COL2A1: variants seen among roughly 807,000 people sequenced by gnomAD.
COL2A1 encodes the protein collagen alpha-1(II) chain.
In COL2A1, 28 loss-of-function variants were observed where a neutral mutation model predicts 204.5. That is an observed-to-expected ratio of 0.14 (90% CI 0.10 to 0.19). The LOEUF is 0.19. COL2A1 is among the 10% of genes least tolerant of loss of function. COL2A1 has a pLI of 1.00. For missense variants in COL2A1, 1,388 were observed against 2,027.5 expected (o/e 0.68, Z 6.06); for synonymous variants, 708 against 718.7 (o/e 0.99, Z 0.24).
At chr12:47,982,200 C>G (rs548043180) in intron 34 of COL2A1, 40 bp from the exon 35 acceptor site, 6 of 1,580,538 alleles carry the variant, frequency 3.8e-6, no homozygotes, top group African/African-American at 1.3e-5. Context: ...CCAGGCACCC[C>G]AGGACCCCCA....
chr12:48,005,359 T>C (rs1033108690), upstream of COL2A1: 13 of 152,344 alleles, frequency 8.5e-5, no homozygotes, highest in African/African-American at 3.1e-4. Flanking sequence ...GGCTCAGACG[T>C]GGTGTCTGCT....
rs770876325 is a variant in COL2A1 at position 47,997,667 on chromosome 12, G to A, written c.470C>T (p.Thr157Ile). ...ACCAGGGGGGCCAGGATTTCCAGGG[G>A]TCCCAGGTTCTCCATCTCTGCCACG... The part of the protein sequence containing the change: ...GPRGRDGEPG[T>I]PGNPGPPGPP... Residue 157 changes from threonine to isoleucine, a missense_variant, in exon 7 of 54, where the codon ACC (threonine) becomes ATC (isoleucine). Physicochemically the swap from Thr to Ile is moderately conservative, Grantham distance 89 (BLOSUM62 -1). Coordinates refer to ENST00000380518, the MANE Select transcript of COL2A1 (RefSeq NM_001844.5). 2 of 1,613,984 alleles carry A rather than the reference G, an allele frequency of 1.2e-6. No individual in the cohort carries two copies. The highest frequency in any genetic ancestry group is 2.2e-5 in the East Asian group (1 of 44,870).
chr12:47,975,464 C>T lies in COL2A1; in HGVS notation c.3739G>A (p.Gly1247Ser). ...QYMRADQAAG[G>S]LRQHDAEVDA... ...ACCTCGGCGTCATGCTGTCTCAGGC[C>T]ACCGGCTGCCTGGTCGGCCCGCATG... The change falls in exon 51 of 54, where the codon GGC becomes AGC. Residue 1247 changes from glycine to serine, a missense_variant. Around this residue, in one of 3 missense-constraint regions of COL2A1, gnomAD observed 303 missense variants for 369.2 expected, o/e 0.82. Coordinates refer to ENST00000380518, the MANE Select transcript of COL2A1 (RefSeq NM_001844.5). The T allele has an allele frequency of 6.2e-7, 1 of 1,614,064 alleles. No homozygotes were observed. Among genetic ancestry groups the T allele is most frequent in the Non-Finnish European group, 8.5e-7 (1 of 1,180,030 alleles).
chr12:48,003,994 A>C, intron 1 of COL2A1: 1 of 537,834 alleles, frequency 1.9e-6, no homozygotes, highest in Non-Finnish European at 3.4e-6. Context: ...ATTCTAGCGC[A>C]ACGTAGGGAC....
chr12:47,993,347 A>G, intron 15 of COL2A1, 111 bp downstream of exon 15: 1 of 897,592 alleles, frequency 1.1e-6, no homozygotes, highest in Non-Finnish European at 1.9e-6. Context: ...GCTCACAATC[A>G]GATGAAATCT....
rs868704410 is a variant in COL2A1, at chr12:47,979,458, G to A, written c.2733+53C>T. The A allele has an allele frequency of 2.8e-5, 45 of 1,586,956 alleles. No individual in the cohort carries two copies. In the South Asian group the frequency reaches 3.5e-4, roughly 12 times the overall value. On this transcript the variant is annotated intron_variant, in intron 41 of 53. Coordinates refer to ENST00000380518, the MANE Select transcript of COL2A1 (RefSeq NM_001844.5). ...GCTCTCCAGACCCTGTTGGGTGCTG[G>A]GCCAGGCTATTCCATGCCTGCCTGT...
rs2136505218 is a variant in COL2A1 at position 47,974,160 on chromosome 12, A to T, written c.4246T>A (p.Ser1416Thr). The T allele has an allele frequency of 1.2e-6, 2 of 1,614,130 alleles. No homozygotes were observed. Among genetic ancestry groups the T allele is most frequent in the Non-Finnish European group, 1.7e-6 (2 of 1,180,022 alleles). ...TCTGCCCGGATCTCCACGTCATTGG[A>T]GCCCTGGATGAGCAGGGCCTTCTTG... The part of the protein sequence containing the change: ...NLKKALLIQG[S>T]NDVEIRAEGN... The change falls in exon 53 of 54, where the codon TCC (serine) becomes ACC (threonine). Residue 1416 changes from serine to threonine, a missense_variant. Transcript: ENST00000380518.
intron 34 of COL2A1, 33 bp downstream of exon 34, chr12:47,982,469 G>T (rs773409682): frequency 6.4e-7 from 1 of 1,560,808 alleles, no homozygotes. Context: ...CAAAGCCACA[G>T]CTTTGGTGAG....
chr12:47,976,019 G>A lies in COL2A1; in HGVS notation c.3541C>T (p.Pro1181Ser). Residue 1181 changes from proline (P) to serine (S), a missense_variant, in exon 50 of 54, where the codon CCT becomes TCT. By Grantham distance (74) the Pro-to-Ser change is moderately conservative (BLOSUM62 -1). Coordinates refer to ENST00000380518, the MANE Select transcript of COL2A1 (RefSeq NM_001844.5). This position sits in a 1 kb window ranked among gnomAD's most constrained non-coding sequence, Gnocchi z 4.3. ...PSGKDGANGI[P>S]GPIGPPGPRG... ...GGACCAGGAGGCCCAATGGGGCCAGGGATTCCATTAGCACCATCTTTGCCA... is the reference window on the plus strand; with the variant it reads ...GGACCAGGAGGCCCAATGGGGCCAGAGATTCCATTAGCACCATCTTTGCCA... 6.2e-7 allele frequency: 1 copy of A among 1,614,128 alleles called. No individual in the cohort carries two copies. The highest frequency in any genetic ancestry group is 8.5e-7 in the Non-Finnish European group (1 of 1,180,004).
Position 47,983,129 on chromosome 12 carries a change from G to A in COL2A1, c.2058C>T (p.Pro686=), listed in dbSNP as rs756536380. 21 of 1,613,560 alleles carry A rather than the reference G, an allele frequency of 1.3e-5. No individual in the cohort carries two copies. The East Asian group carries it at 1.8e-4, about 14-fold the overall frequency. Residue 686 remains proline (P), a synonymous_variant, in exon 32 of 54, where the codon CCC becomes CCT. Coordinates refer to ENST00000380518, the MANE Select transcript of COL2A1 (RefSeq NM_001844.5). The part of the protein sequence containing the change: ...EGGKPGDQGV[P]GEAGAPGLVG... ...CGAGGCCAGGGGCTCCAGCTTCACC[G>A]GGAACACCCTGGAGAACAAAGAAAG...
In COL2A1 at chr12:47,975,564, G is replaced by A. The variant is rs375710692; in HGVS notation, c.3639C>T (p.Pro1213=). Reference sequence around the variant, plus strand: ...CGGACATGTCGATGCCAGGGCCAGGGGGACCTGGAGGACCAGGGGGTCCAG... The same window carrying A: ...CGGACATGTCGATGCCAGGGCCAGGAGGACCTGGAGGACCAGGGGGTCCAG... ...GNPGPPGPPG[P]PGPGIDMSAF... is the part of the protein sequence containing the mutation. The change falls in exon 51 of 54, where the codon CCC becomes CCT. Residue 1213 remains proline (P), a synonymous_variant. Coordinates refer to ENST00000380518, the MANE Select transcript of COL2A1 (RefSeq NM_001844.5). 31 of 1,602,476 alleles carry A rather than the reference G, an allele frequency of 1.9e-5. No individual in the cohort carries two copies. In the African/African-American group the frequency reaches 4.0e-4, roughly 21 times the overall value.
intron 30 of COL2A1, 76 bp downstream of exon 30, chr12:47,983,607 G>A (rs993163569): frequency 1.8e-5 from 27 of 1,520,396 alleles, no homozygotes; most frequent in Middle Eastern, 1.8e-4. Context: ...GCCCTCCACC[G>A]ATAGTGCCTG....
chr12:47,979,649 A>G lies in COL2A1; in HGVS notation c.2680-85T>C, dbSNP rs576945968. Reference sequence around the variant, plus strand: ...ATGGGCGGGGGGCGGGGGTGGTCTCAGAGCCTGGTATGGAAAGGGCGAGGG... The same window carrying G: ...ATGGGCGGGGGGCGGGGGTGGTCTCGGAGCCTGGTATGGAAAGGGCGAGGG... On this transcript the variant is annotated intron_variant, in intron 40 of 53. Transcript: ENST00000380518. 6.1e-4 allele frequency: 537 copies of G among 882,646 alleles called. 2 individuals are homozygous for G. Among genetic ancestry groups the G allele is most frequent in the Middle Eastern group, 6.0e-3 (19 of 3,168 alleles). The allele number at this position is 882,646 out of a possible 1,614,324, so 54.7% of individuals were successfully genotyped here.
Position 47,975,417 on chromosome 12 carries a change from G to C in COL2A1, c.3786C>G (p.Leu1262=), listed in dbSNP as rs139114389. The C allele has an allele frequency of 1.1e-3, 1,763 of 1,614,080 alleles. 1 individual carries two copies. Among genetic ancestry groups the C allele is most frequent in the Non-Finnish European group, 1.4e-3 (1,620 of 1,180,036 alleles). The part of the protein sequence containing the change: ...DAEVDATLKS[L]NNQIESIRSP... The stretch of plus-strand genomic sequence containing the variant: ...TGCGGATGCTCTCAATCTGGTTGTT[G>C]AGGGACTTGAGTGTGGCATCCACCT... The change falls in exon 51 of 54, where the codon CTC becomes CTG. Residue 1262 remains leucine, a synonymous_variant. Coordinates refer to ENST00000380518, the MANE Select transcript of COL2A1 (RefSeq NM_001844.5).
intron 23 of COL2A1, 78 bp from the exon 24 acceptor site, chr12:47,986,043 A>G: frequency 7.6e-7 from 1 of 1,322,304 alleles, no homozygotes; most frequent in Non-Finnish European, 1.1e-6. Flanking sequence ...CCATCCCACT[A>G]ACCCACCAAC....
At chr12:47,998,774 C>G (rs1437923917) in intron 2 of COL2A1, 1 of 290,572 alleles carries the variant, frequency 3.4e-6, no homozygotes, top group Non-Finnish European at 6.4e-6. Context: ...CTCTCTTCCC[C>G]CCACAGGGTA....
chr12:47,990,946 C>T (rs983121003), intron 16 of COL2A1, among the ~76,000 whole-genome samples: 26 of 152,188 alleles, frequency 1.7e-4, no homozygotes, highest in African/African-American at 5.6e-4. Flanking sequence ...CTCTGCCTCT[C>T]CTTAGAAGCT....
At position 47,981,890 on chromosome 12, in the gene COL2A1, C is replaced by T. The variant is rs375895067; in HGVS notation, c.2356-61G>A. 102 of 1,519,592 alleles carry T rather than the reference C, an allele frequency of 6.7e-5. No homozygotes were observed. The African/African-American group carries it at 1.0e-3, about 15-fold the overall frequency. 94.1% of individuals were successfully genotyped at this position (1,519,592 alleles called of 1,614,324 possible). ...CTGAGCCAGCCGAGCACGTGCGGCC[C>T]GGCACCAAGCCAACCTTGGTGCGTG... On this transcript the variant is annotated intron_variant, in intron 35 of 53. Transcript: ENST00000380518.
chr12:47,979,081 C>T (rs997624741), intron 41 of COL2A1, among the ~76,000 whole-genome samples: 3 of 152,052 alleles, frequency 2.0e-5, no homozygotes, highest in Non-Finnish European at 4.4e-5. Flanking sequence ...GCCCCTCTGA[C>T]CCCTGAGCTT....
Sources: gnomAD v4.1 joint callset for allele counts (sites outside exome capture counted in the v4.1 genomes callset) on GRCh38, gnomAD v4.1.1 for gene constraint, gnomAD v4.1.1 regional missense constraint, Gnocchi (gnomAD v3.1) non-coding constraint, MANE v1.5 for transcripts, NCBI Gene and HGNC (gene_info 2026-07-23, HGNC 2026-07-21) for gene names.